The following MYBPC3 variants were observed in gnomAD, a reference collection of about 807,000 sequenced individuals.
The protein encoded by MYBPC3 is myosin binding protein C3, also known as myosin-binding protein C, cardiac-type.
Under a neutral mutation model 159.3 loss-of-function variants are expected in MYBPC3, and 108 were observed. That is an observed-to-expected ratio of 0.68 (90% CI 0.58 to 0.80). The LOEUF (loss-of-function observed/expected upper bound fraction) is 0.80, where lower values mean the gene tolerates loss of function less well. Ranked by LOEUF, MYBPC3 falls within the 30% of genes least tolerant of loss-of-function variation. The pLI is 0.00. For synonymous variants in MYBPC3, 730 were observed against 702.0 expected, an observed-to-expected ratio of 1.04 and a Z score of -0.63; for missense variants, 1,631 against 1,762.1, an observed-to-expected ratio of 0.93 and a Z score of 1.33.
Position 47,350,105 on chromosome 11 carries a change from G to A in MYBPC3, c.414C>T (p.Ser138=), listed in dbSNP as rs1318654447. The A allele has an allele frequency of 1.3e-6, 2 of 1,554,626 alleles. No homozygotes were observed. Among genetic ancestry groups the A allele is most frequent in the Admixed American group, 3.9e-5 (2 of 51,416 alleles). Reference sequence around the variant, plus strand: ...GGGTAGGACCATTGAGAGCTGCTGAGCTTGACCCTGTGAGCAAAGGCTTTT... The same window carrying A: ...GGGTAGGACCATTGAGAGCTGCTGAACTTGACCCTGTGAGCAAAGGCTTTT... ...GESAPSPKGS[S]SAALNGPTPG... Residue 138 remains serine (S), a synonymous_variant, in exon 4 of 35, where the codon AGC becomes AGT. Coordinates refer to ENST00000545968, the MANE Select transcript of MYBPC3 (RefSeq NM_000256.3).
Position 47,343,500 on chromosome 11 carries a change from C to T in MYBPC3, c.1215G>A (p.Met405Ile). 6.3e-7 allele frequency: 1 copy of T among 1,594,378 alleles called. No homozygotes were observed. Among genetic ancestry groups the T allele is most frequent in the South Asian group, 1.1e-5 (1 of 87,670 alleles). The change falls in exon 13 of 35, where the codon ATG becomes ATA. Residue 405 changes from methionine to isoleucine, a missense_variant. Met to Ile is a conservative substitution (Grantham distance 10). Transcript: ENST00000545968. Reference protein sequence around the residue: ...KWLKNGQEIQMSGSKYIFESI... With the variant: ...KWLKNGQEIQISGSKYIFESI... ...CCCACCCCAGGCTGCACCTGCCGCT[C>T]ATCTGGATCTCCTGGCCATTCTTGA...
intron 5 of MYBPC3, among the ~76,000 whole-genome samples, chr11:47,349,279 T>C (rs2095897830): frequency 6.6e-6 from 1 of 152,104 alleles, no homozygotes; most frequent in Non-Finnish European, 1.5e-5. Context: ...TCTAGGCCTA[T>C]GTCTAAGTGA....
rs2095886397 is a variant in MYBPC3 at position 47,339,727 on chromosome 11, C to A, written c.1991G>T (p.Gly664Val). Residue 664 changes from glycine to valine, a missense_variant, in exon 21 of 35, where the codon GGA (glycine) becomes GTA (valine). Physicochemically the swap from Gly to Val is moderately radical, Grantham distance 109. Coordinates refer to ENST00000545968, the MANE Select transcript of MYBPC3 (RefSeq NM_000256.3). ...RIPDTIVVVAGNKLRLDVPIS... is the reference protein window; with the variant it reads ...RIPDTIVVVAVNKLRLDVPIS... ...AGGGACGTCCAGACGTAGCTTATTT[C>A]CAGCTACAACCACAATGGTGTCTGG... 6.2e-7 allele frequency: 1 copy of A among 1,613,936 alleles called. No homozygotes were observed. Among genetic ancestry groups the A allele is most frequent in the South Asian group, 1.1e-5 (1 of 91,074 alleles).
At position 47,343,254 on chromosome 11, in the gene MYBPC3, A is replaced by G. The variant is rs397515892; in HGVS notation, c.1226+6T>C. ...CCCACCCCAAGCCATCCAGAGGGGA[A>G]CTTACTTGCTGTAGAACAGAAGGGG... is the stretch of plus-strand genomic sequence containing the variant. On this transcript the variant is annotated splice_donor_region_variant and intron_variant, in intron 14 of 34. Transcript: ENST00000545968. The G allele has an allele frequency of 1.0e-4, 156 of 1,566,088 alleles. No individual in the cohort carries two copies. The highest frequency in any genetic ancestry group is 5.3e-4 in the Admixed American group (30 of 57,022).
chr11:47,345,562 G>C (rs1305864393), intron 12 of MYBPC3, among the ~76,000 whole-genome samples: 1 of 152,170 alleles, frequency 6.6e-6, no homozygotes, highest in African/African-American at 2.4e-5. Context: ...CCCTGTGCTA[G>C]ACCCAGACAT....
chr11:47,334,081 C>G (rs1375382886), intron 27 of MYBPC3, 71 bp from the exon 28 acceptor site: 15 of 1,427,870 alleles, frequency 1.1e-5, no homozygotes, highest in African/African-American at 1.4e-5. Flanking sequence ...CTCCAACCTC[C>G]CTTGAGACAA....
chr11:47,339,884 T>C, intron 20 of MYBPC3, 94 bp from the exon 21 acceptor site: 1 of 1,403,948 alleles, frequency 7.1e-7, no homozygotes, highest in South Asian at 1.4e-5. Context: ...GGCCCCTGGT[T>C]ATTGGTTTTT....
chr11:47,335,890 G>A lies in MYBPC3; in HGVS notation c.2724C>T (p.Tyr908=). 2 of 1,530,096 alleles carry A rather than the reference G, an allele frequency of 1.3e-6. No individual in the cohort carries two copies. The highest frequency in any genetic ancestry group is 8.8e-7 in the Non-Finnish European group (1 of 1,135,900). 94.8% of individuals were successfully genotyped at this position (1,530,096 alleles called of 1,614,324 possible). A position where few individuals can be genotyped will look rare whatever the true frequency, so the allele number is the denominator to read the frequency against. ...AGGLDGYSVE[Y]CPEGCSEWVA... Reference sequence around the variant, plus strand: ...GGGGACACTCACAGCCCTCTGGGCAGTACTCCACGCTGTAGCCATCCAGGC... The same window carrying A: ...GGGGACACTCACAGCCCTCTGGGCAATACTCCACGCTGTAGCCATCCAGGC... Residue 908 remains tyrosine (Y), a synonymous_variant, in exon 26 of 35, where the codon TAC becomes TAT. Coordinates refer to ENST00000545968, the MANE Select transcript of MYBPC3 (RefSeq NM_000256.3).
rs2095898435 is a variant in MYBPC3, at chr11:47,349,813, C to T, written c.615G>A (p.Gln205=). The T allele has an allele frequency of 6.2e-7, 1 of 1,610,264 alleles. No individual in the cohort carries two copies. Among genetic ancestry groups the T allele is most frequent in the Non-Finnish European group, 8.5e-7 (1 of 1,179,722 alleles). ...CGTAGCTGTCGTGCAGCTGCAGGTGCTGGCCCACCTTGCTGCTCAGGTCCA... is the reference window on the plus strand; with the variant it reads ...CGTAGCTGTCGTGCAGCTGCAGGTGTTGGCCCACCTTGCTGCTCAGGTCCA... ...KWVDLSSKVG[Q]HLQLHDSYDR... The change falls in exon 5 of 35, where the codon CAG becomes CAA. Residue 205 remains glutamine (Q), a synonymous_variant. Coordinates refer to ENST00000545968, the MANE Select transcript of MYBPC3 (RefSeq NM_000256.3).
intron 3 of MYBPC3, 143 bp from the exon 4 acceptor site, chr11:47,350,255 G>T: frequency 1.7e-6 from 2 of 1,181,638 alleles, no homozygotes; most frequent in Non-Finnish European, 2.4e-6. Context: ...TCCCAAGTTA[G>T]CTGGGACCGC....
Position 47,332,504 on chromosome 11 carries a change from A to G in MYBPC3, c.3627+62T>C, listed in dbSNP as rs2142849795. On this transcript the variant is annotated intron_variant, in intron 32 of 34. Transcript: ENST00000545968. This position sits in a 1 kb window ranked among gnomAD's most constrained non-coding sequence, Gnocchi z 4.2. ...AGACAGGCTGGGGAGAGGACTGCTC[A>G]ACGTCGGGGCCTGTGAGCCCTGCCT... is the stretch of plus-strand genomic sequence containing the variant. The G allele has an allele frequency of 3.2e-6, 5 of 1,567,402 alleles. No individual in the cohort carries two copies. Among genetic ancestry groups the G allele is most frequent in the Non-Finnish European group, 4.3e-6 (5 of 1,155,068 alleles).
chr11:47,338,738 T>G lies in MYBPC3; in HGVS notation c.2149-59A>C. 1 of 1,515,110 alleles carries G rather than the reference T, an allele frequency of 6.6e-7. No individual in the cohort carries two copies. The highest frequency in any genetic ancestry group is 8.9e-7 in the Non-Finnish European group (1 of 1,129,854). 93.9% of individuals were successfully genotyped at this position (1,515,110 alleles called of 1,614,324 possible). A position where few individuals can be genotyped will look rare whatever the true frequency, so the allele number is the denominator to read the frequency against. On this transcript the variant is annotated intron_variant, in intron 22 of 34. Transcript: ENST00000545968. This position sits in a 1 kb window ranked among gnomAD's most constrained non-coding sequence, Gnocchi z 4.7. ...TCAGACCCCAGAGGCCCTTGCAGCC[T>G]CCGCCAACAGCCAGATGTCCCGGGG... is the stretch of plus-strand genomic sequence containing the variant.
rs1228954013 is a variant in MYBPC3, at chr11:47,338,530, G to A, written c.2298C>T (p.Val766=). 1 of 1,614,010 alleles carries A rather than the reference G, an allele frequency of 6.2e-7. No homozygotes were observed. Among genetic ancestry groups the A allele is most frequent in the South Asian group, 1.1e-5 (1 of 91,078 alleles). The change falls in exon 23 of 35, where the codon GTC becomes GTT. Residue 766 remains valine (V), a synonymous_variant. Coordinates refer to ENST00000545968, the MANE Select transcript of MYBPC3 (RefSeq NM_000256.3). The surrounding 1 kb of genome is among the most constrained non-coding windows in gnomAD (Gnocchi z 4.7). ...CCCGGCCGGCCTCACCGATGACCTTGACTGTGAGGTTGACCTGGTCCTCGC... is the reference window on the plus strand; with the variant it reads ...CCCGGCCGGCCTCACCGATGACCTTAACTGTGAGGTTGACCTGGTCCTCGC... ...PVGEDQVNLT[V]KVIDVPDAPA...
At position 47,332,766 on chromosome 11, in the gene MYBPC3, A is replaced by G. The variant is rs2095878445; in HGVS notation, c.3490+48T>C. On this transcript the variant is annotated intron_variant, in intron 31 of 34. Transcript: ENST00000545968. This position sits in a 1 kb window ranked among gnomAD's most constrained non-coding sequence, Gnocchi z 4.2. ...AAGCTAGGCCCCTCTCCCTGTTCCC[A>G]CAGCCTCCCTGCCCCAGCCCCTGGT... The G allele has an allele frequency of 1.3e-6, 2 of 1,584,728 alleles. No individual in the cohort carries two copies. The highest frequency in any genetic ancestry group is 1.7e-6 in the Non-Finnish European group (2 of 1,164,474).
In MYBPC3 at chr11:47,347,040, G is replaced by A. The variant is rs1296550753; in HGVS notation, c.906-11C>T. ...CCCGATTCTTACTCTCTGGGCCACA[G>A]CAGCAGCAGCCATAATGGAGGGGCC... On this transcript the variant is annotated splice_polypyrimidine_tract_variant and intron_variant, in intron 9 of 34. Coordinates refer to ENST00000545968, the MANE Select transcript of MYBPC3 (RefSeq NM_000256.3). The A allele has an allele frequency of 8.7e-6, 7 of 808,332 alleles. No homozygotes were observed. Among genetic ancestry groups the A allele is most frequent in the Non-Finnish European group, 1.5e-5 (7 of 458,084 alleles). The allele number at this position is 808,332 out of a possible 1,614,324, so 50.1% of individuals were successfully genotyped here. A position where few individuals can be genotyped will look rare whatever the true frequency, so the allele number is the denominator to read the frequency against.
At position 47,348,515 on chromosome 11, in the gene MYBPC3, G is replaced by A. The variant is rs756894628; in HGVS notation, c.681C>T (p.Thr227=). 41 of 1,613,034 alleles carry A rather than the reference G, an allele frequency of 2.5e-5. No homozygotes were observed. The highest frequency in any genetic ancestry group is 4.5e-5 in the East Asian group (2 of 44,848). ...TGCCAGTGAAGGCAGGCTGGGCATC[G>A]GTGATGTGCAGCTCGAACAGATAGA... The part of the protein sequence containing the change: ...SKVYLFELHI[T]DAQPAFTGSY... Residue 227 remains threonine (T), a synonymous_variant, in exon 6 of 35, where the codon ACC becomes ACT. Transcript: ENST00000545968.
Position 47,332,965 on chromosome 11 carries a change from G to A in MYBPC3, c.3339C>T (p.Phe1113=). The A allele has an allele frequency of 1.9e-6, 3 of 1,609,770 alleles. No homozygotes were observed. Among genetic ancestry groups the A allele is most frequent in the Non-Finnish European group, 2.5e-6 (3 of 1,178,274 alleles). Residue 1113 remains phenylalanine, a synonymous_variant, in exon 31 of 35, where the codon TTC becomes TTT. Transcript: ENST00000545968. The surrounding 1 kb of genome is among the most constrained non-coding windows in gnomAD (Gnocchi z 4.2). ...TGCGGCGGTAATGCTCCAAGACGGT[G>A]AACCACTCCTGGGGGCAGGGAGGGA... ...QKADKKTMEW[F]TVLEHYRRTH...
rs2095900893 is a variant in MYBPC3 at position 47,351,417 on chromosome 11, C to T, written c.114G>A (p.Val38=). 6.2e-7 allele frequency: 1 copy of T among 1,610,160 alleles called. No individual in the cohort carries two copies. Among genetic ancestry groups the T allele is most frequent in the Admixed American group, 1.7e-5 (1 of 59,754 alleles). The change falls in exon 2 of 35, where the codon GTG becomes GTA. Residue 38 remains valine, a synonymous_variant. Transcript: ENST00000545968. The surrounding 1 kb of genome is among the most constrained non-coding windows in gnomAD (Gnocchi z 4.2). The part of the protein sequence containing the change: ...VFEAETERAG[V]KVRWQRGGSD... ...TGCCTCCGCGCTGCCAGCGCACCTT[C>T]ACTCCTGCCCGCTCTGTCTCGGCCT...
intron 25 of MYBPC3, 133 bp from the exon 26 acceptor site, chr11:47,336,144 G>T: frequency 1.1e-6 from 1 of 905,012 alleles, no homozygotes; most frequent in Non-Finnish European, 1.5e-6. Flanking sequence ...CCACTTTAAG[G>T]AATATTTTGT....
Sources: gnomAD v4.1 joint callset for allele counts (sites outside exome capture counted in the v4.1 genomes callset) on GRCh38, gnomAD v4.1.1 for gene constraint, Gnocchi (gnomAD v3.1) non-coding constraint, MANE v1.5 for transcripts, NCBI Gene and HGNC (gene_info 2026-07-23, HGNC 2026-07-21) for gene names.